Variants in ERN1 observed in about 807,000 individuals in gnomAD.
The protein encoded by ERN1 is endoplasmic reticulum to nucleus signaling 1, also known as serine/threonine-protein kinase/endoribonuclease IRE1.
Under a neutral mutation model 113.1 loss-of-function variants are expected in ERN1, and 39 were observed. The observed-to-expected ratio is 0.34, with a 90% confidence interval of 0.27 to 0.45. The LOEUF (loss-of-function observed/expected upper bound fraction) is 0.45, where lower values mean the gene tolerates loss of function less well. Ranked by LOEUF, ERN1 falls within the 20% of genes least tolerant of loss-of-function variation. The pLI, the probability that ERN1 is intolerant of heterozygous loss-of-function variation, is 1.00. For missense variants in ERN1, 976 were observed against 1,274.8 expected (o/e 0.77, Z 3.57); for synonymous variants, 507 against 515.9 (o/e 0.98, Z 0.23).
chr17:64,098,295 A>T (rs1016084760), intron 1 of ERN1, 54 bp from the exon 2 acceptor site: 1 of 1,609,358 alleles, frequency 6.2e-7, no homozygotes. Flanking sequence ...CACCTTGGGC[A>T]TGTACAATCA....
intron 12 of ERN1, among the ~76,000 whole-genome samples, chr17:64,056,883 G>A (rs1349162162): frequency 2.0e-5 from 3 of 152,088 alleles, no homozygotes; most frequent in Non-Finnish European, 4.4e-5. Context: ...CGTGCCAGTG[G>A]GGAGTGCCAT....
At chr17:64,073,208 G>A (rs565572025) in intron 5 of ERN1, among the ~76,000 whole-genome samples, 51 of 151,786 alleles carry the variant, frequency 3.4e-4, no homozygotes, top group Admixed American at 2.6e-3. Flanking sequence ...TCGCTCTGCC[G>A]CCCAGGCTGG....
intron 1 of ERN1, among the ~76,000 whole-genome samples, chr17:64,106,159 G>A (rs1316522276): frequency 6.6e-6 from 1 of 152,142 alleles, no homozygotes; most frequent in Admixed American, 6.5e-5. Flanking sequence ...TGGCACAGAG[G>A]TAAAGCAATA....
chr17:64,075,768 T>C lies in ERN1; in HGVS notation c.283-521A>G, dbSNP rs536595776. ...ATTTACACAAATATGGAGAGTTATA[T>C]ATTCTTTGAAATGCTAAGAAAGAAT... On this transcript the variant is annotated intron_variant, in intron 4 of 21. Transcript: ENST00000433197. Among the ~76,000 whole-genome samples the C allele has an allele frequency of 5.3e-5, 8 of 152,364 alleles. No homozygotes were observed. In the East Asian group the frequency reaches 1.5e-3, roughly 29 times the overall value.
intron 1 of ERN1, among the ~76,000 whole-genome samples, chr17:64,105,767 A>G (rs1914509102): frequency 6.6e-6 from 1 of 152,170 alleles, no homozygotes; most frequent in Non-Finnish European, 1.5e-5. Flanking sequence ...GGAGTTCGAG[A>G]CCAGCCTGGC....
At chr17:64,115,714 T>C (rs922049215) in intron 1 of ERN1, among the ~76,000 whole-genome samples, 4 of 152,270 alleles carry the variant, frequency 2.6e-5, no homozygotes, top group Non-Finnish European at 5.9e-5. Context: ...ATAGATGCTT[T>C]TGGGGTGAAT....
chr17:64,079,643 A>G lies in ERN1; in HGVS notation c.282+19T>C. The G allele has an allele frequency of 6.2e-6, 10 of 1,605,944 alleles. No individual in the cohort carries two copies. Among genetic ancestry groups the G allele is most frequent in the Non-Finnish European group, 8.5e-6 (10 of 1,172,594 alleles). ...GGTCTAGAACCCCTGGAGTACAAAA[A>G]GCAGCTAAATATACTCACCGTCAGG... is the stretch of plus-strand genomic sequence containing the variant. On this transcript the variant is annotated intron_variant, in intron 4 of 21. Transcript: ENST00000433197.
chr17:64,055,800 G>T lies in ERN1; in HGVS notation c.1547C>A (p.Pro516Gln). 2.5e-6 allele frequency: 4 copies of T among 1,586,990 alleles called. No individual in the cohort carries two copies. The highest frequency in any genetic ancestry group is 3.4e-6 in the Non-Finnish European group (4 of 1,167,132). Residue 516 changes from proline (P) to glutamine (Q), a missense_variant, in exon 13 of 22, where the codon CCG (proline) becomes CAG (glutamine). Pro to Gln is a moderately conservative substitution (Grantham distance 76). Transcript: ENST00000433197. Reference protein sequence around the residue: ...QDGELLDTSGPYSESSGTSSP... With the variant: ...QDGELLDTSGQYSESSGTSSP... ...GCTGGTGCCCGAGCTCTCTGAGTAC[G>T]GGCCAGACGTGTCCAGGAGCTCGCC...
Position 64,064,041 on chromosome 17 carries a change from G to T in ERN1, c.1032C>A (p.Pro344=), listed in dbSNP as rs750083809. Residue 344 remains proline, a synonymous_variant, in exon 10 of 22, where the codon CCC becomes CCA. Coordinates refer to ENST00000433197, the MANE Select transcript of ERN1 (RefSeq NM_001433.5). The part of the protein sequence containing the change: ...ITPSTDVKFD[P]GLKSKNKLNY... ...TGAGCTTGTTCTTGCTTTTGAGTCCGGGATCAAACTTGACGTCCGTGCTGG... is the reference window on the plus strand; with the variant it reads ...TGAGCTTGTTCTTGCTTTTGAGTCCTGGATCAAACTTGACGTCCGTGCTGG... 6.2e-7 allele frequency: 1 copy of T among 1,613,934 alleles called. No homozygotes were observed. The highest frequency in any genetic ancestry group is 8.5e-7 in the Non-Finnish European group (1 of 1,179,856).
intron 1 of ERN1, among the ~76,000 whole-genome samples, chr17:64,111,800 A>G (rs953185043): frequency 6.6e-6 from 1 of 152,226 alleles, no homozygotes; most frequent in Non-Finnish European, 1.5e-5. Context: ...AACACTAAGA[A>G]AGCAAAACAA....
At position 64,068,335 on chromosome 17, in the gene ERN1, T is replaced by C. The variant is rs370854883; in HGVS notation, c.479-44A>G. On this transcript the variant is annotated intron_variant, in intron 6 of 21. Transcript: ENST00000433197. ...CCAGCCCATTACCACGGAGGGGCCATAGTACCTACTGAGGTGTGGTCCTTA... is the reference window on the plus strand; with the variant it reads ...CCAGCCCATTACCACGGAGGGGCCACAGTACCTACTGAGGTGTGGTCCTTA... 3 of 1,329,476 alleles carry C rather than the reference T, an allele frequency of 2.3e-6. No individual in the cohort carries two copies. The African/African-American group carries it at 4.3e-5, about 19-fold the overall frequency. 82.4% of individuals were successfully genotyped at this position (1,329,476 alleles called of 1,614,324 possible). A position where few individuals can be genotyped will look rare whatever the true frequency, so the allele number is the denominator to read the frequency against.
chr17:64,076,861 A>G (rs1325300490), intron 4 of ERN1, among the ~76,000 whole-genome samples: 1 of 152,046 alleles, frequency 6.6e-6, no homozygotes, highest in Admixed American at 6.5e-5. Context: ...CGGCCTCCCA[A>G]AGTGCTGGGA....
chr17:64,072,173 CA>C (rs1598059569), intron 5 of ERN1, 70 bp from the exon 6 acceptor site: 6 of 1,542,576 alleles, frequency 3.9e-6, no homozygotes, highest in Non-Finnish European at 1.8e-6. Context: ...AACTAGCAGC[CA>C]AGATGCTCTG....
chr17:64,064,404 A>G (rs554977846), intron 9 of ERN1, among the ~76,000 whole-genome samples: 1 of 152,364 alleles, frequency 6.6e-6, no homozygotes, highest in East Asian at 1.9e-4. Context: ...GTGTGTGTGT[A>G]GAACTCCAAG....
intron 6 of ERN1, among the ~76,000 whole-genome samples, chr17:64,070,558 T>C (rs950126465): frequency 1.3e-5 from 2 of 152,184 alleles, no homozygotes; most frequent in African/African-American, 4.8e-5. Context: ...ATTTCTACAG[T>C]CTAAGACCTT....
chr17:64,092,043 T>C (rs536743832), intron 2 of ERN1, among the ~76,000 whole-genome samples: 21 of 152,044 alleles, frequency 1.4e-4, no homozygotes, highest in African/African-American at 3.6e-4. Context: ...CCAATTGGTC[T>C]TTTTGGGGGT....
At chr17:64,050,676 A>C (rs1912654708) in intron 17 of ERN1, among the ~76,000 whole-genome samples, 2 of 152,198 alleles carry the variant, frequency 1.3e-5, no homozygotes, top group African/African-American at 4.8e-5. Flanking sequence ...AGTGTGCTTA[A>C]TGCAAGGGGG....
Position 64,055,863 on chromosome 17 carries a change from TGCTGCTGCTGCTGCTGCAGGA to T in ERN1, c.1463_1483del (p.Leu488_Gln494del). 1 of 1,507,154 alleles carries T rather than the reference TGCTGCTGCTGCTGCTGCAGGA, an allele frequency of 6.6e-7. No homozygotes were observed. The highest frequency in any genetic ancestry group is 8.9e-7 in the Non-Finnish European group (1 of 1,117,854). 93.4% of individuals were successfully genotyped at this position (1,507,154 alleles called of 1,614,324 possible). Reference sequence around the variant, plus strand: ...GTCTCCAGGTGGGTGGAAGGGCAGCTGCTGCTGCTGCTGCTGCAGGAGCTGGATCTTCTCCAGTTCCTTCTG... The same window carrying T: ...GTCTCCAGGTGGGTGGAAGGGCAGCTGCTGGATCTTCTCCAGTTCCTTCTG... On this transcript the variant is annotated inframe_deletion, in exon 13 of 22. Coordinates refer to ENST00000433197, the MANE Select transcript of ERN1 (RefSeq NM_001433.5).
At chr17:64,080,846 C>T (rs1305751478) in intron 2 of ERN1, 38 bp from the exon 3 acceptor site, 8 of 1,597,068 alleles carry the variant, frequency 5.0e-6, no homozygotes, top group Non-Finnish European at 6.8e-6. Flanking sequence ...TCAGAAACAT[C>T]CCAAAATGTC....
Sources: gnomAD v4.1 joint callset for allele counts (sites outside exome capture counted in the v4.1 genomes callset) on GRCh38, gnomAD v4.1.1 for gene constraint, MANE v1.5 for transcripts, NCBI Gene and HGNC (gene_info 2026-07-23, HGNC 2026-07-21) for gene names.